METTL25: variants seen among roughly 807,000 people sequenced by gnomAD.
The protein encoded by METTL25 is methyltransferase like 25.
In METTL25, 64 loss-of-function variants were observed where a neutral mutation model predicts 71.6. The observed-to-expected ratio is 0.89, with a 90% CI of 0.73 to 1.10. METTL25 has a LOEUF of 1.10. Ranked by LOEUF, METTL25 falls within the 50% of genes least tolerant of loss-of-function variation. The pLI, the probability that METTL25 is intolerant of heterozygous loss-of-function variation, is 0.00. For synonymous variants in METTL25, 287 were observed against 250.3 expected, an observed-to-expected ratio of 1.15 and a Z score of -1.38; for missense variants, 807 against 707.0, an observed-to-expected ratio of 1.14 and a Z score of -1.60.
chr12:82,402,661 A>G (rs1035179023), intron 4 of METTL25, among the ~76,000 whole-genome samples: 2 of 152,202 alleles, frequency 1.3e-5, no homozygotes, highest in Non-Finnish European at 2.9e-5. Flanking sequence ...AATGGACGTT[A>G]AAGTTGAAAG....
intron 4 of METTL25, among the ~76,000 whole-genome samples, chr12:82,400,442 A>C (rs558878213): frequency 5.3e-5 from 8 of 152,240 alleles, no homozygotes; most frequent in African/African-American, 1.9e-4. Flanking sequence ...ACCATTTTTT[A>C]AATGGGAAAT....
chr12:82,394,745 CAA>C (rs1885924035), intron 3 of METTL25, among the ~76,000 whole-genome samples: 2 of 151,802 alleles, frequency 1.3e-5, no homozygotes, highest in South Asian at 4.2e-4. Flanking sequence ...AAAATTAAAA[CAA>C]AAGGGAGGAG....
chr12:82,478,997 T>C lies in METTL25; in HGVS notation c.1785T>C (p.Ala595=). The C allele has an allele frequency of 6.2e-7, 1 of 1,612,838 alleles. No homozygotes were observed. Among genetic ancestry groups the C allele is most frequent in the Admixed American group, 1.7e-5 (1 of 59,992 alleles). The change falls in exon 12 of 12, where the codon GCT becomes GCC. Residue 595 remains alanine, a synonymous_variant. Coordinates refer to ENST00000248306, the MANE Select transcript of METTL25 (RefSeq NM_032230.3). ...FDPVKSPRCY[A]VIALKKQQ ...CCGTGAAATCTCCCAGATGTTATGC[T>C]GTTATTGCCCTGAAGAAGCAGCAGT...
At chr12:82,369,792 G>A (rs1883008042) in intron 1 of METTL25, among the ~76,000 whole-genome samples, 3 of 152,000 alleles carry the variant, frequency 2.0e-5, no homozygotes, top group Admixed American at 2.0e-4. Context: ...GTGTTGATTG[G>A]TGCGTTTACA....
intron 1 of METTL25, among the ~76,000 whole-genome samples, chr12:82,384,579 T>C (rs1022099520): frequency 6.6e-6 from 1 of 151,896 alleles, no homozygotes; most frequent in East Asian, 1.9e-4. Context: ...CAAAATACCA[T>C]AAACTGTTAG....
intron 8 of METTL25, chr12:82,451,291 G>A (rs1592746617): frequency 1.0e-6 from 1 of 978,346 alleles, no homozygotes; most frequent in Non-Finnish European, 1.2e-6. Flanking sequence ...TAATAGTTTG[G>A]TGAGAGACAG....
chr12:82,359,964 T>G (rs1337370073), intron 1 of METTL25, among the ~76,000 whole-genome samples: 2 of 152,224 alleles, frequency 1.3e-5, no homozygotes, highest in Non-Finnish European at 2.9e-5. Flanking sequence ...CAGTTTGCTC[T>G]CATAATAAAT....
rs750957734 is a variant in METTL25, at chr12:82,398,891, A to G, written c.628A>G (p.Thr210Ala). 1.9e-6 allele frequency: 3 copies of G among 1,611,482 alleles called. No homozygotes were observed. The East Asian group carries it at 6.7e-5, about 36-fold the overall frequency. ...VYGIDSSNTN[T>A]HGAEERNRKL... ...TGGAATTGATTCTTCAAATACCAAT[A>G]CTCATGGAGCTGAGGAGAGAAACAG... Residue 210 changes from threonine (T) to alanine (A), a missense_variant, in exon 4 of 12, where the codon ACT becomes GCT. Coordinates refer to ENST00000248306, the MANE Select transcript of METTL25 (RefSeq NM_032230.3).
chr12:82,377,471 C>T (rs1430843116), intron 1 of METTL25, among the ~76,000 whole-genome samples: 1 of 152,104 alleles, frequency 6.6e-6, no homozygotes, highest in Non-Finnish European at 1.5e-5. Flanking sequence ...ATCTAAAAAA[C>T]TCAGCTTAGT....
intron 5 of METTL25, among the ~76,000 whole-genome samples, chr12:82,412,718 A>C (rs1030810317): frequency 6.6e-6 from 1 of 152,110 alleles, no homozygotes; most frequent in Admixed American, 6.6e-5. Flanking sequence ...TATTTTTTAA[A>C]AGAATAAGTT....
At chr12:82,438,066 T>C (rs17719063) in intron 7 of METTL25, among the ~76,000 whole-genome samples, 9,403 of 151,766 alleles carry the variant, frequency 0.062, 340 homozygotes, top group Middle Eastern at 0.12. Context: ...GGAGCCCTTC[T>C]CTTCAGCTAT....
At chr12:82,467,198 G>T (rs542010383) in intron 9 of METTL25, among the ~76,000 whole-genome samples, 1 of 151,446 alleles carries the variant, frequency 6.6e-6, no homozygotes, top group South Asian at 2.1e-4. Context: ...TACATTCAGG[G>T]TTATTATTGA....
intron 1 of METTL25, among the ~76,000 whole-genome samples, chr12:82,381,151 T>A (rs1043446726): frequency 6.6e-6 from 1 of 152,266 alleles, no homozygotes; most frequent in Non-Finnish European, 1.5e-5. Context: ...TTTTAACTTA[T>A]ACATGGTAGG....
intron 5 of METTL25, among the ~76,000 whole-genome samples, chr12:82,407,055 G>T (rs1330983406): frequency 6.6e-6 from 1 of 151,636 alleles, no homozygotes; most frequent in Non-Finnish European, 1.5e-5. Context: ...GTCCATTTCA[G>T]TCAGTAAAAA....
intron 4 of METTL25, among the ~76,000 whole-genome samples, chr12:82,400,286 C>T (rs1170914301): frequency 6.6e-6 from 1 of 151,542 alleles, no homozygotes; most frequent in Admixed American, 6.6e-5. Flanking sequence ...GAGCCAAGAT[C>T]GCACCACTGC....
At chr12:82,393,736 G>A (rs1885816658) in intron 3 of METTL25, among the ~76,000 whole-genome samples, 1 of 151,960 alleles carries the variant, frequency 6.6e-6, no homozygotes, top group Non-Finnish European at 1.5e-5. Context: ...TCTCTATTCA[G>A]TATGATGCTA....
chr12:82,441,917 A>G (rs921071221), intron 8 of METTL25, among the ~76,000 whole-genome samples: 8 of 151,806 alleles, frequency 5.3e-5, no homozygotes, highest in African/African-American at 1.7e-4. Context: ...CCAGGCTGTA[A>G]TGAAACTCCC....
At chr12:82,465,222 A>G (rs572248402) in intron 9 of METTL25, among the ~76,000 whole-genome samples, 2 of 152,052 alleles carry the variant, frequency 1.3e-5, no homozygotes, top group South Asian at 4.1e-4. Context: ...CCCTTTCAGT[A>G]TGATGTTAGC....
rs758169717 is a variant in METTL25 at position 82,439,393 on chromosome 12, G to A, written c.1478+602G>A. ...ATTCAAGCATACATTTGTAATTCTG[G>A]CATGCTTTATGAATGTTCTCTTGCT... On this transcript the variant is annotated intron_variant, in intron 8 of 11. Coordinates refer to ENST00000248306, the MANE Select transcript of METTL25 (RefSeq NM_032230.3). Among the ~76,000 whole-genome samples, 7 of 151,682 alleles carry A rather than the reference G, an allele frequency of 4.6e-5. No homozygotes were observed. The South Asian group carries it at 6.2e-4, about 14-fold the overall frequency.
Sources: gnomAD v4.1 joint callset for allele counts (sites outside exome capture counted in the v4.1 genomes callset) on GRCh38, gnomAD v4.1.1 for gene constraint, MANE v1.5 for transcripts, NCBI Gene and HGNC (gene_info 2026-07-23, HGNC 2026-07-21) for gene names.